The following RGS12 variants were observed in gnomAD, a reference collection of about 807,000 sequenced individuals.
The protein encoded by RGS12 is regulator of G protein signaling 12, also known as regulator of G-protein signaling 12.
Under a neutral mutation model 120.1 loss-of-function variants are expected in RGS12, and 66 were observed. The ratio of observed to expected loss-of-function variants is 0.55; its 90% CI spans 0.45 to 0.67. The LOEUF (loss-of-function observed/expected upper bound fraction) is 0.67. Ranked by LOEUF, RGS12 falls within the 30% of genes least tolerant of loss-of-function variation. The pLI, the probability that RGS12 is intolerant of heterozygous loss-of-function variation, is 0.00. For missense variants in RGS12, 1,859 were observed against 1,957.7 expected, an observed-to-expected ratio of 0.95 and a Z score of 0.95; for synonymous variants, 827 against 804.7, an observed-to-expected ratio of 1.03 and a Z score of -0.47.
chr4:3,416,167 C>T (rs749860874), intron 7 of RGS12, 46 bp downstream of exon 7: 19 of 1,606,826 alleles, frequency 1.2e-5, no homozygotes, highest in Admixed American at 1.0e-4. Flanking sequence ...GGCTAGGGCT[C>T]GGGGTATAGG....
intron 4 of RGS12, among the ~76,000 whole-genome samples, chr4:3,397,087 C>A (rs904424309): frequency 6.6e-6 from 1 of 152,194 alleles, no homozygotes; most frequent in Non-Finnish European, 1.5e-5. Flanking sequence ...AAGTATCTAA[C>A]ACCAGCATTA....
intron 2 of RGS12, among the ~76,000 whole-genome samples, chr4:3,318,581 C>T (rs1252694410): frequency 6.6e-6 from 1 of 152,202 alleles, no homozygotes; most frequent in East Asian, 1.9e-4. Context: ...TGGGGAGCCC[C>T]ACGCCGCCTG....
At chr4:3,342,602 C>T (rs771769436) in intron 2 of RGS12, 19 of 1,319,364 alleles carry the variant, frequency 1.4e-5, no homozygotes, top group Non-Finnish European at 2.0e-6. Context: ...TTTCCAAGCA[C>T]CCTTGCACGT....
upstream of RGS12, among the ~76,000 whole-genome samples, chr4:3,291,634 A>G (rs963221680): frequency 2.6e-5 from 4 of 152,174 alleles, no homozygotes; most frequent in Non-Finnish European, 5.9e-5. Context: ...GGCACGAGTC[A>G]CCGCGCCTGG....
chr4:3,328,061 C>T (rs765447618), intron 2 of RGS12, among the ~76,000 whole-genome samples: 29 of 152,194 alleles, frequency 1.9e-4, no homozygotes, highest in Admixed American at 3.3e-4. Context: ...ATTCAGCCAT[C>T]AAAAGAATGA....
rs1441140166 is a variant in RGS12, at chr4:3,372,533, C to T, written c.1999-13883C>T. ...CTCGAGCTAGGGGTTTGACTTTAGT[C>T]CTCAGCTGTCAGAGGCCGCCTCGGG... On this transcript the variant is annotated intron_variant, in intron 3 of 17. Coordinates refer to ENST00000336727, the MANE Select transcript of RGS12 (RefSeq NM_001394154.1). The surrounding 1 kb of genome is among the most constrained non-coding windows in gnomAD (Gnocchi z 4.3). Among the ~76,000 whole-genome samples, 1 of 152,210 alleles carries T rather than the reference C, an allele frequency of 6.6e-6. No individual in the cohort carries two copies. The highest frequency in any genetic ancestry group is 2.4e-5 in the African/African-American group (1 of 41,454).
chr4:3,286,002 G>A, the RGS12 span, among the ~76,000 whole-genome samples: 1 of 152,362 alleles, frequency 6.6e-6, no homozygotes, highest in South Asian at 2.1e-4. Context: ...GCCGGGCTGC[G>A]CTCCAGGGAC....
At chr4:3,303,211 G>A (rs779564302) in intron 1 of RGS12, among the ~76,000 whole-genome samples, 2 of 152,164 alleles carry the variant, frequency 1.3e-5, no homozygotes, top group African/African-American at 4.8e-5. Context: ...AGGACAAAGC[G>A]CTGGCAGCTG....
At chr4:3,309,393 A>G (rs1724178848) in intron 1 of RGS12, among the ~76,000 whole-genome samples, 1 of 132,772 alleles carries the variant, frequency 7.5e-6, no homozygotes, top group Non-Finnish European at 1.6e-5. Flanking sequence ...AGGAGCTGGG[A>G]CCCTGGAATG....
intron 3 of RGS12, among the ~76,000 whole-genome samples, chr4:3,377,461 C>T (rs78207626): frequency 1.2e-3 from 184 of 152,086 alleles, no homozygotes; most frequent in African/African-American, 3.7e-3. Flanking sequence ...GCCTTTGGTC[C>T]GTTTTTTTAG....
intron 3 of RGS12, among the ~76,000 whole-genome samples, chr4:3,380,858 C>T (rs1303613888): frequency 2.6e-5 from 4 of 152,180 alleles, no homozygotes; most frequent in African/African-American, 9.7e-5. Context: ...CTCTGATGTG[C>T]CCTGGAGACA....
intron 4 of RGS12, among the ~76,000 whole-genome samples, chr4:3,400,111 G>A (rs555302915): frequency 5.3e-5 from 8 of 152,344 alleles, no homozygotes; most frequent in South Asian, 4.1e-4. Context: ...TTTACACAGG[G>A]CATAGAAGAT....
At chr4:3,434,158 A>C (rs868357278) in intron 17 of RGS12, among the ~76,000 whole-genome samples, 2 of 152,198 alleles carry the variant, frequency 1.3e-5, no homozygotes, top group South Asian at 4.1e-4. Context: ...GGAAACTTAC[A>C]GTCATGGCAG....
intron 4 of RGS12, among the ~76,000 whole-genome samples, chr4:3,402,583 A>C (rs1720705910): frequency 6.6e-6 from 1 of 151,938 alleles, no homozygotes; most frequent in South Asian, 2.1e-4. Flanking sequence ...ACCACTTTTG[A>C]GTCTTCCTCA....
chr4:3,428,735 C>T (rs755687372), intron 16 of RGS12, 24 bp downstream of exon 16: 2 of 1,567,526 alleles, frequency 1.3e-6, no homozygotes, highest in Admixed American at 2.0e-5. Flanking sequence ...TTAAAACTTC[C>T]ACGTTTTTAG....
intron 3 of RGS12, among the ~76,000 whole-genome samples, chr4:3,360,634 A>G (rs1715463662): frequency 6.6e-6 from 1 of 152,218 alleles, no homozygotes; most frequent in Non-Finnish European, 1.5e-5. Context: ...AGTTACAGAT[A>G]TATCTTCATG....
intron 17 of RGS12, chr4:3,432,184 TA>T: frequency 1.0e-6 from 1 of 984,654 alleles, no homozygotes. Flanking sequence ...TGGACTGGCT[TA>T]CAACTTTTCT....
chr4:3,369,215 G>A (rs966919976), intron 3 of RGS12, among the ~76,000 whole-genome samples: 3 of 152,204 alleles, frequency 2.0e-5, no homozygotes, highest in African/African-American at 4.8e-5. Flanking sequence ...CTTTTGTTAC[G>A]TGCACAGCTC....
At chr4:3,320,712 T>C (rs1725120033) in intron 2 of RGS12, among the ~76,000 whole-genome samples, 2 of 152,180 alleles carry the variant, frequency 1.3e-5, no homozygotes, top group South Asian at 4.1e-4. Context: ...CCTCCCTGTG[T>C]AGTTAGGTGA....
Sources: gnomAD v4.1 joint callset for allele counts (sites outside exome capture counted in the v4.1 genomes callset) on GRCh38, gnomAD v4.1.1 for gene constraint, Gnocchi (gnomAD v3.1) non-coding constraint, MANE v1.5 for transcripts, NCBI Gene and HGNC (gene_info 2026-07-23, HGNC 2026-07-21) for gene names.